NFIC: variants seen among roughly 807,000 people sequenced by gnomAD.
The protein encoded by NFIC is nuclear factor 1 C-type.
In NFIC, 12 loss-of-function variants were observed where a neutral mutation model predicts 54.4. That is an observed-to-expected ratio of 0.22 (90% CI 0.14 to 0.36). NFIC has a LOEUF of 0.36. Ranked by LOEUF, NFIC falls within the 10% of genes least tolerant of loss-of-function variation. NFIC has a pLI of 1.00. For missense variants in NFIC, 575 were observed against 718.2 expected (o/e 0.80, Z 2.28); for synonymous variants, 322 against 319.2 (o/e 1.01, Z -0.09).
intron 1 of NFIC, among the ~76,000 whole-genome samples, chr19:3,372,210 G>T (rs1441496186): frequency 6.6e-6 from 1 of 151,992 alleles, no homozygotes; most frequent in South Asian, 2.1e-4. Flanking sequence ...TAGTAGAGAC[G>T]GGGTTTCACC....
chr19:3,381,172 C>T (rs995991217), intron 1 of NFIC, among the ~76,000 whole-genome samples: 13 of 151,978 alleles, frequency 8.6e-5, no homozygotes, highest in Non-Finnish European at 1.6e-4. Context: ...CCGAGGCGGG[C>T]GGATCAGAGG....
chr19:3,400,659 G>A (rs1340798661), intron 2 of NFIC, among the ~76,000 whole-genome samples: 1 of 152,118 alleles, frequency 6.6e-6, no homozygotes, highest in Non-Finnish European at 1.5e-5. Context: ...TGGCCAACAT[G>A]GTGAAACCCC....
intron 2 of NFIC, among the ~76,000 whole-genome samples, chr19:3,383,792 A>T (rs370383871): frequency 1.3e-5 from 2 of 152,332 alleles, no homozygotes; most frequent in Admixed American, 6.5e-5. Flanking sequence ...CTATAGAAAC[A>T]GGCAGTTGCA....
At position 3,435,092 on chromosome 19, in the gene NFIC, G is replaced by A. The variant is rs751825479; in HGVS notation, c.843G>A (p.Arg281=). The A allele has an allele frequency of 1.2e-6, 2 of 1,600,922 alleles. No homozygotes were observed. The highest frequency in any genetic ancestry group is 1.7e-6 in the Non-Finnish European group (2 of 1,172,638). The change falls in exon 6 of 11, where the codon CGG becomes CGA. Residue 281 remains arginine (R), a synonymous_variant. Coordinates refer to ENST00000443272, the MANE Select transcript of NFIC (RefSeq NM_001245002.2). ...LPSTSSSGSK[R]HKSGSMEEDV... The stretch of plus-strand genomic sequence containing the variant: ...TTCCCTCGCCCATAAGGAGCAAGCG[G>A]CACAAATCGGGCTCGATGGAGGAAG...
At chr19:3,359,716 C>A in intron 1 of NFIC, 1 of 1,423,056 alleles carries the variant, frequency 7.0e-7, no homozygotes, top group South Asian at 1.4e-5. Context: ...TCGTTTTCGC[C>A]CGGGGACTTT....
intron 1 of NFIC, chr19:3,371,437 A>G (rs1434249119): frequency 6.6e-6 from 1 of 150,842 alleles, no homozygotes; most frequent in Non-Finnish European, 1.5e-5. Flanking sequence ...TCTGAGGTCC[A>G]CAGTGCAGGG....
At chr19:3,456,476 C>G in intron 9 of NFIC, 74 bp from the exon 10 acceptor site, 1 of 1,450,012 alleles carries the variant, frequency 6.9e-7, no homozygotes, top group African/African-American at 1.4e-5. Context: ...GGTGGCCACC[C>G]TCTCTGGGGC....
intron 6 of NFIC, among the ~76,000 whole-genome samples, chr19:3,441,233 C>T (rs552877860): frequency 6.6e-6 from 1 of 152,384 alleles, no homozygotes; most frequent in East Asian, 1.9e-4. Flanking sequence ...ATCACCTGCT[C>T]CAGGTCACCC....
intron 2 of NFIC, among the ~76,000 whole-genome samples, chr19:3,393,442 A>C (rs1382136013): frequency 1.3e-5 from 2 of 152,038 alleles, no homozygotes; most frequent in African/African-American, 4.8e-5. Context: ...GAGTTCTAGA[A>C]TTTCTTCCAC....
chr19:3,407,807 C>G (rs147933618), intron 2 of NFIC, among the ~76,000 whole-genome samples: 1,569 of 152,118 alleles, frequency 0.01, 14 homozygotes, highest in Admixed American at 0.031. Flanking sequence ...GCAGAAAGGG[C>G]TGGGGAGGGT....
rs1555685901 is a variant in NFIC at position 3,467,753 on chromosome 19, C to CTATGCATATA, written c.*4987_*4988insGCATATATAT. On this transcript the variant is annotated 3_prime_UTR_variant, in exon 11 of 11. Coordinates refer to ENST00000443272, the MANE Select transcript of NFIC (RefSeq NM_001245002.2). ...CTTTGACCTCCAGTGTAGGGCTATA[C>CTATGCATATA]TATACATATATATATATATATATAT... 1 of 31,796 alleles carries CTATGCATATA rather than the reference C, an allele frequency of 3.1e-5. No individual in the cohort carries two copies. Among genetic ancestry groups the CTATGCATATA allele is most frequent in the Non-Finnish European group, 5.1e-5 (1 of 19,630 alleles). The allele number at this position is 31,796 out of a possible 1,614,324, so 2.0% of individuals were successfully genotyped here. A position where few individuals can be genotyped will look rare whatever the true frequency, so the allele number is the denominator to read the frequency against.
intron 1 of NFIC, among the ~76,000 whole-genome samples, chr19:3,379,982 G>A (rs139139216): frequency 2.1e-5 from 3 of 145,382 alleles, no homozygotes; most frequent in East Asian, 2.1e-4. Context: ...ATGCTTGGCC[G>A]CCGACCCTAG....
At chr19:3,404,591 C>T (rs539020617) in intron 2 of NFIC, among the ~76,000 whole-genome samples, 2 of 152,124 alleles carry the variant, frequency 1.3e-5, no homozygotes, top group Admixed American at 1.3e-4. Flanking sequence ...CCTGGTGTCC[C>T]CCCACCCCCA....
chr19:3,411,536 C>T (rs1468981659), intron 2 of NFIC, among the ~76,000 whole-genome samples: 1 of 151,838 alleles, frequency 6.6e-6, no homozygotes, highest in Non-Finnish European at 1.5e-5. Flanking sequence ...CCGTGTCGGT[C>T]AGGCTGGTCT....
rs1423763315 is a variant in NFIC at position 3,459,706 on chromosome 19, T to C, written c.1510-3046T>C. Among the ~76,000 whole-genome samples the C allele has an allele frequency of 6.6e-6, 1 of 152,074 alleles. No homozygotes were observed. Among genetic ancestry groups the C allele is most frequent in the Non-Finnish European group, 1.5e-5 (1 of 67,986 alleles). On this transcript the variant is annotated intron_variant, in intron 10 of 10. Coordinates refer to ENST00000443272, the MANE Select transcript of NFIC (RefSeq NM_001245002.2). The surrounding 1 kb of genome is among the most constrained non-coding windows in gnomAD (Gnocchi z 4.2). ...GGAGGAAGGGCTGAGGGGAGGCTGGTCCACCACGGGGAGGGTCACGCCCAG... is the reference window on the plus strand; with the variant it reads ...GGAGGAAGGGCTGAGGGGAGGCTGGCCCACCACGGGGAGGGTCACGCCCAG...
chr19:3,433,618 T>C lies in NFIC; in HGVS notation c.709+26T>C, dbSNP rs111287318. On this transcript the variant is annotated intron_variant, in intron 4 of 10. Coordinates refer to ENST00000443272, the MANE Select transcript of NFIC (RefSeq NM_001245002.2). ...GTGAGTGTTCCCGTCAGCCCTGAGC[T>C]GGGTCTTGGAGAGGGGAGGGGGCCG... 2.7e-5 allele frequency: 44 copies of C among 1,611,370 alleles called. 5 individuals are homozygous for C. The African/African-American group carries it at 2.9e-4, about 11-fold the overall frequency.
At chr19:3,378,408 G>A (rs2145461280) in intron 1 of NFIC, among the ~76,000 whole-genome samples, 1 of 152,300 alleles carries the variant, frequency 6.6e-6, no homozygotes, top group Non-Finnish European at 1.5e-5. Context: ...GATCCCAAAT[G>A]CTATGCAGAC....
intron 3 of NFIC, among the ~76,000 whole-genome samples, chr19:3,425,918 C>CTTTTTT (rs869165549): frequency 1.8e-5 from 1 of 54,532 alleles, no homozygotes; most frequent in Non-Finnish European, 3.1e-5. Flanking sequence ...CCATGCCTGG[C>CTTTTTT]TTTTTTTTTT....
Position 3,371,881 on chromosome 19 carries a change from C to CTCCTTCCTTCCTTCCTTCCTTCTT in NFIC, c.30+5237_30+5238insTTTCCTTCCTTCCTTCCTTCCTTC, listed in dbSNP as rs1568399904. Among the ~76,000 whole-genome samples the CTCCTTCCTTCCTTCCTTCCTTCTT allele has an allele frequency of 5.0e-4, 50 of 99,918 alleles. 1 individual carries two copies. Among genetic ancestry groups the CTCCTTCCTTCCTTCCTTCCTTCTT allele is most frequent in the Non-Finnish European group, 9.1e-4 (44 of 48,320 alleles). 65.6% of individuals were successfully genotyped at this position (99,918 alleles called of 152,430 possible). ...TCTTTTCTTTCTTTTTTCTTTCTCTCTCCTTCCTTCCTTCCTTCCTTCCTT... is the reference window on the plus strand; with the variant it reads ...TCTTTTCTTTCTTTTTTCTTTCTCTCTCCTTCCTTCCTTCCTTCCTTCTTTCCTTCCTTCCTTCCTTCCTTCCTT... On this transcript the variant is annotated intron_variant, in intron 1 of 10. Coordinates refer to ENST00000443272, the MANE Select transcript of NFIC (RefSeq NM_001245002.2).
Sources: gnomAD v4.1 joint callset for allele counts (sites outside exome capture counted in the v4.1 genomes callset) on GRCh38, gnomAD v4.1.1 for gene constraint, Gnocchi (gnomAD v3.1) non-coding constraint, MANE v1.5 for transcripts, NCBI Gene and HGNC (gene_info 2026-07-23, HGNC 2026-07-21) for gene names.